Variants in OGG1 observed in about 807,000 individuals in gnomAD.
OGG1 encodes the protein 8-oxoguanine DNA glycosylase.
In OGG1, 35 loss-of-function variants were observed where a neutral mutation model predicts 42.3. The ratio of observed to expected loss-of-function variants is 0.83; its 90% CI spans 0.63 to 1.10. The LOEUF (loss-of-function observed/expected upper bound fraction) is 1.10, where lower values mean the gene tolerates loss of function less well. OGG1 is among the 50% of genes least tolerant of loss of function. The pLI, the probability that OGG1 is intolerant of heterozygous loss-of-function variation, is 0.00. For missense variants in OGG1, 484 were observed against 446.7 expected, an observed-to-expected ratio of 1.08 and a Z score of -0.75; for synonymous variants, 189 against 179.0, an observed-to-expected ratio of 1.06 and a Z score of -0.44.
downstream of OGG1, chr3:9,759,152 C>G: frequency 2.0e-6 from 3 of 1,511,314 alleles, no homozygotes; most frequent in Non-Finnish European, 2.8e-6. Flanking sequence ...AGACATTATT[C>G]CGCTATGCCT....
downstream of OGG1, chr3:9,790,060 C>T: frequency 9.2e-6 from 13 of 1,407,960 alleles, no homozygotes; most frequent in Non-Finnish European, 1.1e-5. Context: ...TCTACAGAGG[C>T]TCCTGGGTCT....
intron 3 of OGG1, chr3:9,786,908 C>G (rs1012982363): frequency 2.6e-6 from 3 of 1,172,504 alleles, no homozygotes; most frequent in Admixed American, 4.2e-5. Context: ...TATTTTTGCA[C>G]CAACCTAATA....
At chr3:9,770,466 C>T (rs533561659), downstream of OGG1, among the ~76,000 whole-genome samples, 17 of 151,950 alleles carry the variant, frequency 1.1e-4, no homozygotes, top group Non-Finnish European at 1.6e-4. Context: ...GGGTGTGGGC[C>T]CCACTTGACA....
intron 3 of OGG1, chr3:9,784,273 G>A (rs2078552401): frequency 1.3e-6 from 2 of 1,556,848 alleles, no homozygotes; most frequent in Middle Eastern, 2.1e-4. Flanking sequence ...GCCCACCTTG[G>A]AGGTTCCCAG....
chr3:9,788,082 AG>A (rs2078657020), exon 4 of OGG1: 1 of 232,280 alleles, frequency 4.3e-6, no homozygotes, highest in African/African-American at 2.2e-5. Context: ...TTGATCCTGT[AG>A]ATAACGGGAG....
chr3:9,784,000 C>G (rs746699534), intron 3 of OGG1: 1 of 1,601,432 alleles, frequency 6.2e-7, no homozygotes, highest in East Asian at 2.3e-5. Context: ...AGGCCACCCC[C>G]GGGACTGTGC....
At chr3:9,750,785 A>AT (rs2077265381) in intron 1 of OGG1, 160 bp from the exon 2 acceptor site, 4 of 943,778 alleles carry the variant, frequency 4.2e-6, no homozygotes, top group East Asian at 2.6e-5. Context: ...AAATTTTTGT[A>AT]TTTTTTGTAG....
intron 2 of OGG1, among the ~76,000 whole-genome samples, chr3:9,773,647 A>C (rs2078329826): frequency 1.3e-5 from 2 of 149,400 alleles, no homozygotes; most frequent in African/African-American, 4.9e-5. Context: ...TTTTTTTTGA[A>C]TGGCTAAACA....
chr3:9,775,967 G>A (rs1380129417), intron 2 of OGG1, among the ~76,000 whole-genome samples: 1 of 152,132 alleles, frequency 6.6e-6, no homozygotes, highest in Non-Finnish European at 1.5e-5. Context: ...GATTCAGTAG[G>A]TCTGTGGCCT....
At position 9,756,542 on chromosome 3, in the gene OGG1, C is replaced by G; in HGVS notation, c.819C>G (p.His273Gln). The change falls in exon 5 of 7, where the codon CAC (histidine) becomes CAG (glutamine). Residue 273 changes from histidine to glutamine, a missense_variant. Transcript: ENST00000344629. Reference sequence around the variant, plus strand: ...TGCCCGTGGATGTCCATATGTGGCACATTGCCCAACGTGACTACAGCTGGC... The same window carrying G: ...TGCCCGTGGATGTCCATATGTGGCAGATTGCCCAACGTGACTACAGCTGGC... ...QAVPVDVHMW[H>Q]IAQRDYSWHP... 1 of 1,614,198 alleles carries G rather than the reference C, an allele frequency of 6.2e-7. No homozygotes were observed. The highest frequency in any genetic ancestry group is 8.5e-7 in the Non-Finnish European group (1 of 1,180,040).
chr3:9,751,475 T>C (rs935585783), intron 2 of OGG1, among the ~76,000 whole-genome samples: 21 of 152,162 alleles, frequency 1.4e-4, no homozygotes, highest in African/African-American at 4.3e-4. Context: ...TCTGTAAATA[T>C]ATACAAAGCA....
rs1559680572 is a variant in OGG1 at position 9,751,108 on chromosome 3, C to T, written c.301C>T (p.Gln101Ter). 2 of 1,614,164 alleles carry T rather than the reference C, an allele frequency of 1.2e-6. No homozygotes were observed. The highest frequency in any genetic ancestry group is 2.7e-5 in the African/African-American group (2 of 75,030). The part of the protein sequence containing the change: ...DELEAVRKYF[Q>*]LDVTLAQLYH... ...GCTGGAGGCCGTGCGCAAGTACTTC[C>T]AGCTAGATGTTACCCTGGCTCAACT... The change falls in exon 2 of 7, where the codon CAG becomes TAG. Residue 101 changes from glutamine to a stop codon, truncating the protein, a stop_gained. Transcript: ENST00000344629. LOFTEE classifies it high-confidence loss of function.
At position 9,786,007 on chromosome 3, in the gene OGG1, C is replaced by A. The variant is rs293785; in HGVS notation, c.383-1721C>A. Reference sequence around the variant, plus strand: ...GCTGTGGAGTGCAGTGGCACAATTTCGGCTTACTGCAAGCTCCGCCTCCTG... The same window carrying A: ...GCTGTGGAGTGCAGTGGCACAATTTAGGCTTACTGCAAGCTCCGCCTCCTG... On this transcript the variant is annotated intron_variant, in intron 3 of 3. Coordinates refer to the OGG1 transcript ENST00000426518. Among the ~76,000 whole-genome samples the A allele has an allele frequency of 8.8e-4, 133 of 151,428 alleles. 1 individual carries two copies. Among genetic ancestry groups the A allele is most frequent in the Non-Finnish European group, 3.5e-4 (24 of 67,904 alleles).
At chr3:9,780,672 C>A in intron 2 of OGG1, 1 of 1,019,860 alleles carries the variant, frequency 9.8e-7, no homozygotes, top group Non-Finnish European at 1.4e-6. Context: ...GTCATACAGT[C>A]GTGACCAAAA....
At chr3:9,764,334 TG>T (rs1231107655) in intron 7 of OGG1, among the ~76,000 whole-genome samples, 4 of 152,172 alleles carry the variant, frequency 2.6e-5, no homozygotes, top group Admixed American at 1.3e-4. Context: ...TTACTCTTGT[TG>T]CTCAGGCTGG....
downstream of OGG1, chr3:9,758,586 G>A (rs1025077279): frequency 7.6e-5 from 12 of 157,172 alleles, no homozygotes; most frequent in Non-Finnish European, 1.7e-4. Flanking sequence ...GCCTCCTAAT[G>A]CGTCACCCAG....
intron 1 of OGG1, 109 bp from the exon 2 acceptor site, chr3:9,750,836 C>A: frequency 7.6e-7 from 1 of 1,312,118 alleles, no homozygotes; most frequent in Non-Finnish European, 1.1e-6. Context: ...GAAGATAGCA[C>A]TGTTACTTGT....
intron 7 of OGG1, among the ~76,000 whole-genome samples, chr3:9,765,125 G>A (rs1175287027): frequency 6.6e-6 from 1 of 151,694 alleles, no homozygotes; most frequent in Non-Finnish European, 1.5e-5. Context: ...TACTAGGGAG[G>A]CTGAAGCAAG....
intron 2 of OGG1, chr3:9,780,605 C>T (rs1575290374): frequency 3.3e-6 from 5 of 1,532,440 alleles, no homozygotes; most frequent in Non-Finnish European, 4.4e-6. Context: ...AGAACAACCC[C>T]TCCCTCTTCA....
Sources: gnomAD v4.1 joint callset for allele counts (sites outside exome capture counted in the v4.1 genomes callset) on GRCh38, gnomAD v4.1.1 for gene constraint, MANE v1.5 for transcripts, NCBI Gene and HGNC (gene_info 2026-07-23, HGNC 2026-07-21) for gene names.